The following TARS3 variants were observed in gnomAD, a reference collection of about 807,000 sequenced individuals.
TARS3 encodes the protein threonine--tRNA ligase 2, cytoplasmic.
A neutral mutation model predicts 103.5 loss-of-function variants in TARS3; 94 were observed. That is an observed-to-expected ratio of 0.91 (90% confidence interval 0.77 to 1.08). The LOEUF (loss-of-function observed/expected upper bound fraction) is 1.08. Among genes scored for constraint, TARS3 ranks in the 50% least tolerant of loss-of-function variants. The pLI is 0.00. For missense variants in TARS3, 952 were observed against 995.2 expected (o/e 0.96, Z 0.58); for synonymous variants, 416 against 355.4 (o/e 1.17, Z -1.92).
chr15:101,722,642 TAA>T (rs35018220), intron 2 of TARS3, among the ~76,000 whole-genome samples: 3 of 58,752 alleles, frequency 5.1e-5, no homozygotes, highest in African/African-American at 2.4e-4. Context: ...CCATCTCTAC[TAA>T]AAAAAAAAAA....
At chr15:101,656,391 A>G (rs903011945) in intron 18 of TARS3, among the ~76,000 whole-genome samples, 4 of 152,256 alleles carry the variant, frequency 2.6e-5, no homozygotes, top group African/African-American at 7.2e-5. Context: ...CTGCAGTTAT[A>G]TCAGTGTTAG....
In TARS3 at chr15:101,721,209, G is replaced by T. The variant is rs1333835789; in HGVS notation, c.483C>A (p.Ile161=). 6.2e-7 allele frequency: 1 copy of T among 1,614,080 alleles called. No individual in the cohort carries two copies. Among genetic ancestry groups the T allele is most frequent in the East Asian group, 2.2e-5 (1 of 44,880 alleles). Residue 161 remains isoleucine, a synonymous_variant, in exon 3 of 19, where the codon ATC becomes ATA. Coordinates refer to ENST00000335968, the MANE Select transcript of TARS3 (RefSeq NM_152334.3). ...IYGKKGDTSN[I]ITVRVADGQT... is the part of the protein sequence containing the mutation. ...GCCCATCAGCCACTCTTACTGTGAT[G>T]ATGTTGCTTGTATCCCCCTTTTTTC...
chr15:101,675,199 A>G (rs911017184), intron 13 of TARS3, among the ~76,000 whole-genome samples: 3 of 152,196 alleles, frequency 2.0e-5, no homozygotes, highest in Non-Finnish European at 4.4e-5. Flanking sequence ...GTGACTACGA[A>G]GGGGACTATG....
Position 101,657,396 on chromosome 15 carries a change from C to T in TARS3, c.2146-360G>A, listed in dbSNP as rs1025500004. On this transcript the variant is annotated intron_variant, in intron 17 of 18. Transcript: ENST00000335968. The stretch of plus-strand genomic sequence containing the variant: ...ACAGCCTGACTGCAGCCCCAGGAGA[C>T]GCTCTGCGCCAGAATCCACCAGCTG... 4.6e-5 allele frequency among the ~76,000 whole-genome samples: 7 copies of T among 152,324 alleles called. No individual in the cohort carries two copies. In the East Asian group the frequency reaches 7.7e-4, roughly 17 times the overall value.
At chr15:101,665,159 A>G (rs1897532998) in intron 15 of TARS3, among the ~76,000 whole-genome samples, 1 of 152,246 alleles carries the variant, frequency 6.6e-6, no homozygotes, top group South Asian at 2.1e-4. Context: ...GAAGGAGCGG[A>G]GGTATAGTAC....
chr15:101,708,595 A>G (rs946851360), intron 6 of TARS3, among the ~76,000 whole-genome samples, 198 bp downstream of exon 6: 1 of 152,180 alleles, frequency 6.6e-6, no homozygotes, highest in African/African-American at 2.4e-5. Flanking sequence ...TTACCTACCT[A>G]TGTCTCCCCT....
At chr15:101,723,903 G>A (rs1395046269) in intron 1 of TARS3, among the ~76,000 whole-genome samples, 188 bp downstream of exon 1, 8 of 152,228 alleles carry the variant, frequency 5.3e-5, no homozygotes, top group African/African-American at 1.9e-4. Flanking sequence ...GGCGACTGCT[G>A]GAAATCCGGC....
At chr15:101,666,474 CAAA>C (rs11450994) in intron 15 of TARS3, among the ~76,000 whole-genome samples, 1 of 45,618 alleles carries the variant, frequency 2.2e-5, no homozygotes. Flanking sequence ...AGACTCATCT[CAAA>C]AAAAAAAAAA....
intron 6 of TARS3, among the ~76,000 whole-genome samples, chr15:101,706,928 C>T (rs1899595328): frequency 6.6e-6 from 1 of 152,162 alleles, no homozygotes; most frequent in Non-Finnish European, 1.5e-5. Flanking sequence ...AATCACATAT[C>T]TGTTAAGAAA....
At chr15:101,714,152 A>G (rs1900011342) in intron 4 of TARS3, among the ~76,000 whole-genome samples, 1 of 152,248 alleles carries the variant, frequency 6.6e-6, no homozygotes, top group Admixed American at 6.5e-5. Context: ...AATTATATTA[A>G]GTATTTAAAG....
In TARS3 at chr15:101,697,746, T is replaced by C. The variant is rs1056715238; in HGVS notation, c.1320+3340A>G. Among the ~76,000 whole-genome samples the C allele has an allele frequency of 9.9e-5, 15 of 152,112 alleles. 1 individual carries two copies. Among genetic ancestry groups the C allele is most frequent in the East Asian group, 5.8e-4 (3 of 5,166 alleles). The stretch of plus-strand genomic sequence containing the variant: ...CAGAATGATCTACTGTAAGTGCACC[T>C]AGTAAGGCTTCTGAAAGTCTTAGGA... On this transcript the variant is annotated intron_variant, in intron 10 of 18. Coordinates refer to ENST00000335968, the MANE Select transcript of TARS3 (RefSeq NM_152334.3).
At chr15:101,708,268 A>G (rs1248817940) in intron 6 of TARS3, among the ~76,000 whole-genome samples, 11 of 150,096 alleles carry the variant, frequency 7.3e-5, no homozygotes, top group Non-Finnish European at 1.2e-4. Context: ...AAAAAAAAAA[A>G]AAAAAAAAAA....
chr15:101,657,370 G>C (rs1174556835), intron 17 of TARS3, among the ~76,000 whole-genome samples: 2 of 152,346 alleles, frequency 1.3e-5, no homozygotes, highest in South Asian at 4.1e-4. Context: ...AGCCCTGGCT[G>C]ACAGCCTGAC....
In TARS3 at chr15:101,704,955, G is replaced by A. The variant is rs115988406; in HGVS notation, c.995+728C>T. 5.3e-3 allele frequency among the ~76,000 whole-genome samples: 804 copies of A among 152,176 alleles called. 11 individuals are homozygous for A. Among genetic ancestry groups the A allele is most frequent in the African/African-American group, 0.018 (765 of 41,528 alleles). On this transcript the variant is annotated intron_variant, in intron 7 of 18. Coordinates refer to ENST00000335968, the MANE Select transcript of TARS3 (RefSeq NM_152334.3). ...AGAGAACCATAAGTCCTTGACTGTC[G>A]AAAGTAAGTACCATGAGGGAGAATA...
chr15:101,662,893 A>G (rs1897436378), intron 15 of TARS3, among the ~76,000 whole-genome samples: 1 of 152,260 alleles, frequency 6.6e-6, no homozygotes, highest in Admixed American at 6.5e-5. Flanking sequence ...CATCTGTGCT[A>G]TCAGATAAAC....
Position 101,715,196 on chromosome 15 carries a change from G to C in TARS3, c.567-233C>G, listed in dbSNP as rs186243267. On this transcript the variant is annotated intron_variant, in intron 3 of 18. Coordinates refer to ENST00000335968, the MANE Select transcript of TARS3 (RefSeq NM_152334.3). ...GAGTCTCGCTCTGTCGCCCAGGCTG[G>C]AGTGCAGTGGCGGGATCTCGGCTCA... is the stretch of plus-strand genomic sequence containing the variant. Among the ~76,000 whole-genome samples, 649 of 150,258 alleles carry C rather than the reference G, an allele frequency of 4.3e-3. 1 individual carries two copies. Among genetic ancestry groups the C allele is most frequent in the African/African-American group, 0.015 (629 of 40,970 alleles).
intron 8 of TARS3, among the ~76,000 whole-genome samples, chr15:101,703,460 C>T (rs2141432138): frequency 6.6e-6 from 1 of 152,138 alleles, no homozygotes; most frequent in Non-Finnish European, 1.5e-5. Flanking sequence ...TGGGGTGGTG[C>T]AGGCCTGTAA....
At chr15:101,718,157 T>A (rs751560793) in intron 3 of TARS3, among the ~76,000 whole-genome samples, 1 of 151,972 alleles carries the variant, frequency 6.6e-6, no homozygotes, top group East Asian at 1.9e-4. Context: ...CCACCTGAGG[T>A]TGGAAGTTCG....
At chr15:101,700,074 A>G (rs1899183696) in intron 10 of TARS3, among the ~76,000 whole-genome samples, 1 of 152,212 alleles carries the variant, frequency 6.6e-6, no homozygotes, top group Non-Finnish European at 1.5e-5. Flanking sequence ...TCATTGCAGA[A>G]TATGTTGCAA....
Sources: gnomAD v4.1 joint callset for allele counts (sites outside exome capture counted in the v4.1 genomes callset) on GRCh38, gnomAD v4.1.1 for gene constraint, MANE v1.5 for transcripts, NCBI Gene and HGNC (gene_info 2026-07-23, HGNC 2026-07-21) for gene names.